SMIM7: variants seen among roughly 807,000 people sequenced by gnomAD.
SMIM7 encodes the protein small integral membrane protein 7, also known as UPF0608 protein C19orf42.
SMIM7 carries 12 observed loss-of-function variants against 13.3 expected under a neutral mutation model. The observed-to-expected ratio is 0.90, with a 90% CI of 0.58 to 1.46. The LOEUF (loss-of-function observed/expected upper bound fraction) is 1.46, where lower values mean the gene tolerates loss of function less well. Ranked by LOEUF, SMIM7 falls within the 40% of genes most tolerant of loss-of-function variation. The pLI, the probability that SMIM7 is intolerant of heterozygous loss-of-function variation, is 0.00. For missense variants in SMIM7, 114 were observed against 94.8 expected, an observed-to-expected ratio of 1.20 and a Z score of -0.84; for synonymous variants, 36 against 35.8, an observed-to-expected ratio of 1.01 and a Z score of -0.02.
intron 3 of SMIM7, 30 bp downstream of exon 3, chr19:16,659,365 A>G: frequency 6.2e-7 from 1 of 1,605,902 alleles, no homozygotes; most frequent in Non-Finnish European, 8.5e-7. Context: ...GAAGTGGACC[A>G]TGCAATTCCA....
chr19:16,653,219 G>A (rs963897933), intron 4 of SMIM7, among the ~76,000 whole-genome samples: 1 of 152,282 alleles, frequency 6.6e-6, no homozygotes, highest in Admixed American at 6.5e-5. Flanking sequence ...GTTCCAGCCC[G>A]GTTTGGTGGG....
intron 3 of SMIM7, among the ~76,000 whole-genome samples, chr19:16,654,688 T>C (rs2086574146): frequency 6.6e-6 from 1 of 151,878 alleles, no homozygotes; most frequent in South Asian, 2.1e-4. Context: ...GGCTGGTTTT[T>C]ACATTAAAAA....
intron 4 of SMIM7, chr19:16,639,062 G>A (rs1253860964): frequency 6.6e-6 from 1 of 151,514 alleles, no homozygotes; most frequent in Non-Finnish European, 1.5e-5. Context: ...CAACTGCCAA[G>A]ATAATAATGT....
chr19:16,638,304 T>TC (rs1266927756), intron 4 of SMIM7, among the ~76,000 whole-genome samples: 1 of 132,770 alleles, frequency 7.5e-6, no homozygotes, highest in African/African-American at 2.6e-5. Context: ...CTTTTTTCTT[T>TC]TTTTTTTTTT....
rs2086450135 is a variant in SMIM7, at chr19:16,646,491, G to A, written c.*755C>T. On this transcript the variant is annotated 3_prime_UTR_variant, in exon 5 of 5. Transcript: ENST00000487416. ...ATCACCTACTCAAAAAGCAGACTCA[G>A]AAACCCAAGGTTTTAGAACATGGTC... The A allele has an allele frequency of 6.5e-6, 1 of 153,808 alleles. No homozygotes were observed. The highest frequency in any genetic ancestry group is 6.5e-5 in the Admixed American group (1 of 15,282). 9.5% of individuals were successfully genotyped at this position (153,808 alleles called of 1,614,324 possible). A position where few individuals can be genotyped will look rare whatever the true frequency, so the allele number is the denominator to read the frequency against.
chr19:16,649,643 C>G (rs149111383), intron 4 of SMIM7, among the ~76,000 whole-genome samples: 124 of 152,270 alleles, frequency 8.1e-4, no homozygotes, highest in Admixed American at 2.0e-3. Flanking sequence ...TAGCTCATAA[C>G]TAAAAACATA....
downstream of SMIM7, among the ~76,000 whole-genome samples, chr19:16,643,465 C>T (rs1004833658): frequency 3.3e-5 from 5 of 152,166 alleles, no homozygotes; most frequent in African/African-American, 9.7e-5. Flanking sequence ...GTGCACCACT[C>T]GGCTCACTGT....
intron 3 of SMIM7, chr19:16,655,201 C>G (rs1215973015): frequency 1.0e-5 from 4 of 387,702 alleles, no homozygotes; most frequent in Non-Finnish European, 2.1e-5. Flanking sequence ...CTAATTCAGG[C>G]AAGTGAAAGG....
Position 16,633,857 on chromosome 19 carries a change from G to GA in SMIM7, c.*138-2134dup, listed in dbSNP as rs2086339393. 8 of 152,240 alleles carry GA rather than the reference G, an allele frequency of 5.3e-5. No homozygotes were observed. In the South Asian group the frequency reaches 1.7e-3, roughly 32 times the overall value. 9.4% of individuals were successfully genotyped at this position (152,240 alleles called of 1,614,324 possible). On this transcript the variant is annotated intron_variant and NMD_transcript_variant, in intron 4 of 4. Coordinates refer to the SMIM7 transcript ENST00000465250. ...TACATACTTATGCACAGAGTGAATA[G>GA]AAAAAATATTGGAAGGAAACCAAAA...
chr19:16,645,405 T>A (rs1386800457), downstream of SMIM7: 1 of 152,218 alleles, frequency 6.6e-6, no homozygotes, highest in Non-Finnish European at 1.5e-5. Context: ...GATCTTGGCG[T>A]GCCTGTTCTG....
At chr19:16,653,961 T>A in intron 4 of SMIM7, 74 bp downstream of exon 4, 1 of 1,136,082 alleles carries the variant, frequency 8.8e-7, no homozygotes, top group Non-Finnish European at 1.3e-6. Flanking sequence ...AGACAGAGAA[T>A]GACCATCAGG....
intron 3 of SMIM7, among the ~76,000 whole-genome samples, chr19:16,658,092 A>G (rs1007750039): frequency 6.6e-6 from 1 of 152,220 alleles, no homozygotes; most frequent in South Asian, 2.1e-4. Flanking sequence ...GTGCTCCATC[A>G]TGGCATCCAC....
At chr19:16,644,282 G>C (rs1321284787), downstream of SMIM7, among the ~76,000 whole-genome samples, 1 of 149,790 alleles carries the variant, frequency 6.7e-6, no homozygotes, top group East Asian at 2.0e-4. Context: ...CACCACACCT[G>C]GCTAATTTTT....
chr19:16,659,348 G>A (rs745577349), intron 3 of SMIM7, 47 bp downstream of exon 3: 6 of 1,372,748 alleles, frequency 4.4e-6, no homozygotes, highest in Non-Finnish European at 6.2e-6. Flanking sequence ...AAACAGAACT[G>A]TCCTCTGAAG....
intron 4 of SMIM7, among the ~76,000 whole-genome samples, chr19:16,632,834 C>G (rs1227044332): frequency 6.6e-6 from 1 of 152,242 alleles, no homozygotes. Flanking sequence ...GCCCGGCCAA[C>G]TGGGAGCATT....
At chr19:16,632,062 G>A (rs964815054) in intron 4 of SMIM7, among the ~76,000 whole-genome samples, 2 of 151,920 alleles carry the variant, frequency 1.3e-5, no homozygotes, top group African/African-American at 4.8e-5. Context: ...TAGAGACAGG[G>A]TTTCACCATG....
downstream of SMIM7, chr19:16,644,905 C>G (rs1272205178): frequency 6.6e-6 from 1 of 152,202 alleles, no homozygotes; most frequent in African/African-American, 2.4e-5. Context: ...TAGGCACACA[C>G]TACTTGCAGG....
At chr19:16,653,092 T>G (rs1289215942) in intron 4 of SMIM7, 1 of 1,100,116 alleles carries the variant, frequency 9.1e-7, no homozygotes, top group Non-Finnish European at 1.3e-6. Context: ...CCTCGGCAGA[T>G]GCAGAAGAAC....
At chr19:16,652,859 T>C in intron 4 of SMIM7, 1 of 1,550,514 alleles carries the variant, frequency 6.4e-7, no homozygotes, top group Non-Finnish European at 8.7e-7. Flanking sequence ...GTCGTGTCTT[T>C]TCCTAAATCC....
Sources: gnomAD v4.1 joint callset for allele counts (sites outside exome capture counted in the v4.1 genomes callset) on GRCh38, gnomAD v4.1.1 for gene constraint, MANE v1.5 for transcripts, NCBI Gene and HGNC (gene_info 2026-07-23, HGNC 2026-07-21) for gene names.